The following HS6ST3 variants were observed in gnomAD, a reference collection of about 807,000 sequenced individuals.
The protein encoded by HS6ST3 is heparan-sulfate 6-O-sulfotransferase 3.
HS6ST3 carries 12 observed loss-of-function variants against 36.7 expected under a neutral mutation model. That is an observed-to-expected ratio of 0.33 (90% CI 0.21 to 0.53). HS6ST3 has a LOEUF of 0.53. HS6ST3 is among the 20% of genes least tolerant of loss of function. The pLI is 0.95. For synonymous variants in HS6ST3, 240 were observed against 257.5 expected, an observed-to-expected ratio of 0.93 and a Z score of 0.65; for missense variants, 584 against 640.9, an observed-to-expected ratio of 0.91 and a Z score of 0.96.
chr13:96,184,814 T>C (rs1221718686), intron 1 of HS6ST3, among the ~76,000 whole-genome samples: 1 of 152,094 alleles, frequency 6.6e-6, no homozygotes, highest in East Asian at 1.9e-4. Context: ...ATTATGTCCT[T>C]TTCTTGTTTG....
chr13:96,438,023 G>A (rs997218933), intron 1 of HS6ST3, among the ~76,000 whole-genome samples: 5 of 152,108 alleles, frequency 3.3e-5, no homozygotes, highest in African/African-American at 1.2e-4. Flanking sequence ...CAGTGAACTC[G>A]CTGGGGGACA....
At chr13:96,281,496 C>T (rs531093687) in intron 1 of HS6ST3, among the ~76,000 whole-genome samples, 1 of 151,790 alleles carries the variant, frequency 6.6e-6, no homozygotes, top group South Asian at 2.1e-4. Flanking sequence ...ACTAGTAGTA[C>T]AGGTAATGCC....
At chr13:96,295,603 G>A (rs1270946642) in intron 1 of HS6ST3, among the ~76,000 whole-genome samples, 5 of 152,114 alleles carry the variant, frequency 3.3e-5, no homozygotes, top group African/African-American at 1.2e-4. Flanking sequence ...AACCTTTTAT[G>A]AAGTATCTGC....
intron 1 of HS6ST3, among the ~76,000 whole-genome samples, chr13:96,536,013 C>T (rs1237427774): frequency 6.6e-6 from 1 of 152,202 alleles, no homozygotes; most frequent in Non-Finnish European, 1.5e-5. Flanking sequence ...TTTTTAACCT[C>T]ATCAAATGCC....
At chr13:96,199,470 TA>T (rs1369615530) in intron 1 of HS6ST3, among the ~76,000 whole-genome samples, 1 of 152,222 alleles carries the variant, frequency 6.6e-6, no homozygotes, top group African/African-American at 2.4e-5. Context: ...AAATTAATTA[TA>T]AACTTGCTGG....
intron 1 of HS6ST3, among the ~76,000 whole-genome samples, chr13:96,274,422 G>A (rs1218655470): frequency 1.3e-5 from 2 of 152,074 alleles, no homozygotes; most frequent in Non-Finnish European, 2.9e-5. Flanking sequence ...TCACCTTCAA[G>A]AAGAAGGTGA....
chr13:96,416,752 AT>A (rs1023013886), intron 1 of HS6ST3, among the ~76,000 whole-genome samples: 2,260 of 130,750 alleles, frequency 0.017, 29 homozygotes, highest in East Asian at 0.11. Context: ...ATAGGGTAAC[AT>A]TTTTTTTTTT....
intron 1 of HS6ST3, among the ~76,000 whole-genome samples, chr13:96,334,378 C>T (rs577621368): frequency 7.8e-4 from 118 of 152,168 alleles, no homozygotes; most frequent in Admixed American, 1.6e-3. Flanking sequence ...GTGAAAGATC[C>T]CTGACGTCTC....
intron 1 of HS6ST3, among the ~76,000 whole-genome samples, chr13:96,525,431 G>C (rs1267190738): frequency 1.3e-5 from 2 of 152,062 alleles, no homozygotes; most frequent in Admixed American, 6.6e-5. Context: ...TTTTCAGGTT[G>C]CTCTGGTGCT....
chr13:96,355,676 G>A (rs1021898953), intron 1 of HS6ST3, among the ~76,000 whole-genome samples: 6 of 152,128 alleles, frequency 3.9e-5, no homozygotes, highest in Non-Finnish European at 7.4e-5. Context: ...TTTGCTGGTG[G>A]AGGGTCTTGC....
intron 1 of HS6ST3, among the ~76,000 whole-genome samples, chr13:96,785,791 G>A (rs1385350542): frequency 6.6e-6 from 1 of 152,152 alleles, no homozygotes; most frequent in East Asian, 1.9e-4. Flanking sequence ...CACCTACTAT[G>A]GAACCTGCAC....
At chr13:96,345,346 CTTT>C (rs1386817772) in intron 1 of HS6ST3, among the ~76,000 whole-genome samples, 1 of 151,724 alleles carries the variant, frequency 6.6e-6, no homozygotes, top group Non-Finnish European at 1.5e-5. Flanking sequence ...GGCTAGACAG[CTTT>C]TTTCTAAAGC....
intron 1 of HS6ST3, among the ~76,000 whole-genome samples, chr13:96,221,220 G>C (rs2054453551): frequency 6.6e-6 from 1 of 152,110 alleles, no homozygotes; most frequent in African/African-American, 2.4e-5. Context: ...AAGCAGTTAG[G>C]GTCAGAGAGA....
At chr13:96,431,358 A>T (rs2055614991) in intron 1 of HS6ST3, among the ~76,000 whole-genome samples, 2 of 152,024 alleles carry the variant, frequency 1.3e-5, no homozygotes, top group Admixed American at 1.3e-4. Context: ...CCTCCTCCAA[A>T]TCTCATTGTC....
At chr13:96,483,818 A>C (rs2138899873) in intron 1 of HS6ST3, among the ~76,000 whole-genome samples, 1 of 152,328 alleles carries the variant, frequency 6.6e-6, no homozygotes, top group South Asian at 2.1e-4. Context: ...AGCAGTCATC[A>C]TCAAACCCAA....
At chr13:96,544,367 G>A (rs1203945881) in intron 1 of HS6ST3, among the ~76,000 whole-genome samples, 2 of 152,176 alleles carry the variant, frequency 1.3e-5, no homozygotes, top group Non-Finnish European at 2.9e-5. Context: ...GAAGGCTCAT[G>A]GTAGACATAA....
intron 1 of HS6ST3, among the ~76,000 whole-genome samples, chr13:96,681,779 AC>A (rs1049155199): frequency 3.9e-5 from 6 of 152,076 alleles, no homozygotes; most frequent in Non-Finnish European, 5.9e-5. Context: ...CAGTTTTTAA[AC>A]CACTAAGTCT....
chr13:96,291,355 G>A (rs1032423168), intron 1 of HS6ST3, among the ~76,000 whole-genome samples: 2 of 152,176 alleles, frequency 1.3e-5, no homozygotes, highest in African/African-American at 4.8e-5. Context: ...GATGACAAGG[G>A]TTGGTGGTTG....
intron 1 of HS6ST3, among the ~76,000 whole-genome samples, chr13:96,444,870 C>A (rs1209465882): frequency 6.6e-6 from 1 of 152,116 alleles, no homozygotes; most frequent in Non-Finnish European, 1.5e-5. Flanking sequence ...GCTGAAACAG[C>A]ACTTTTACAG....
Sources: allele counts gnomAD v4.1 joint callset (sites outside exome capture counted in the v4.1 genomes callset), GRCh38; gene constraint gnomAD v4.1.1; transcripts MANE v1.5; gene names NCBI Gene and HGNC (gene_info 2026-07-23, HGNC 2026-07-21).